The following MAMDC2 variants were observed in gnomAD, a reference collection of about 807,000 sequenced individuals.
MAMDC2 encodes the protein MAM domain containing 2, also known as MAM domain-containing protein 2.
Under a neutral mutation model 89.8 loss-of-function variants are expected in MAMDC2, and 57 were observed. The observed-to-expected ratio is 0.63, with a 90% confidence interval of 0.51 to 0.79. The LOEUF (loss-of-function observed/expected upper bound fraction) is 0.79. Ranked by LOEUF, MAMDC2 falls within the 30% of genes least tolerant of loss-of-function variation. The pLI is 0.00. For synonymous variants in MAMDC2, 313 were observed against 293.4 expected (o/e 1.07, Z -0.68); for missense variants, 800 against 820.6 (o/e 0.97, Z 0.31).
At chr9:70,091,011 C>T (rs1168335639) in intron 2 of MAMDC2, among the ~76,000 whole-genome samples, 2 of 150,474 alleles carry the variant, frequency 1.3e-5, no homozygotes, top group Non-Finnish European at 3.0e-5. Context: ...GGCACAGAAT[C>T]GCATATAGTA....
intron 5 of MAMDC2, among the ~76,000 whole-genome samples, chr9:70,123,888 C>T (rs1256675749): frequency 6.6e-6 from 1 of 152,206 alleles, no homozygotes; most frequent in Non-Finnish European, 1.5e-5. Context: ...AAGGAACAAT[C>T]CCTGCTGACA....
chr9:70,081,472 C>G (rs148262881), intron 2 of MAMDC2: 1 of 152,158 alleles, frequency 6.6e-6, no homozygotes, highest in East Asian at 1.9e-4. Flanking sequence ...CCTGCCAGGT[C>G]TCCATGCACC....
intron 4 of MAMDC2, among the ~76,000 whole-genome samples, chr9:70,111,157 T>C (rs2997707): frequency 0.033 from 5,013 of 152,238 alleles, 267 homozygotes; most frequent in African/African-American, 0.11. Context: ...GTCAGACACC[T>C]CTGGTGGAGC....
At chr9:70,135,377 A>C (rs2030963958) in intron 7 of MAMDC2, among the ~76,000 whole-genome samples, 1 of 152,126 alleles carries the variant, frequency 6.6e-6, no homozygotes, top group Non-Finnish European at 1.5e-5. Context: ...GGTCACAGAC[A>C]GGCCTCTGGC....
chr9:70,125,353 A>G (rs1180768878), intron 5 of MAMDC2, among the ~76,000 whole-genome samples: 3 of 152,204 alleles, frequency 2.0e-5, no homozygotes, highest in Non-Finnish European at 4.4e-5. Context: ...AGATCAGGAA[A>G]TTGAGACCCA....
intron 11 of MAMDC2, chr9:70,217,178 C>T: frequency 2.9e-6 from 2 of 693,284 alleles, no homozygotes; most frequent in South Asian, 1.6e-5. Flanking sequence ...CTTTTCTCTT[C>T]CCGTGGAGCC....
intron 11 of MAMDC2, among the ~76,000 whole-genome samples, chr9:70,214,322 G>GAGAATATCT (rs2033407285): frequency 6.6e-6 from 1 of 152,194 alleles, no homozygotes; most frequent in East Asian, 1.9e-4. Flanking sequence ...AGTGAGACCT[G>GAGAATATCT]AGAATATCTA....
At chr9:70,089,860 G>A in intron 2 of MAMDC2, among the ~76,000 whole-genome samples, 1 of 152,248 alleles carries the variant, frequency 6.6e-6, no homozygotes, top group East Asian at 1.9e-4. Context: ...AATGGTAGCT[G>A]TTATAGTTGT....
intron 7 of MAMDC2, among the ~76,000 whole-genome samples, chr9:70,138,757 G>A (rs1179507544): frequency 6.6e-6 from 1 of 152,078 alleles, no homozygotes; most frequent in Non-Finnish European, 1.5e-5. Context: ...GGTATTTATA[G>A]AACAGGGTAA....
At chr9:70,134,902 G>A (rs2030947117) in intron 7 of MAMDC2, among the ~76,000 whole-genome samples, 2 of 152,242 alleles carry the variant, frequency 1.3e-5, no homozygotes, top group Non-Finnish European at 2.9e-5. Flanking sequence ...AAACTACCCT[G>A]CAAGGTTAGC....
intron 2 of MAMDC2, among the ~76,000 whole-genome samples, chr9:70,055,276 CT>C (rs1324464288): frequency 6.6e-6 from 1 of 152,166 alleles, no homozygotes; most frequent in East Asian, 1.9e-4. Flanking sequence ...AGCACATTTA[CT>C]TTCATCATCT....
At chr9:70,213,194 C>T (rs1406674000) in intron 11 of MAMDC2, among the ~76,000 whole-genome samples, 1 of 152,208 alleles carries the variant, frequency 6.6e-6, no homozygotes, top group Non-Finnish European at 1.5e-5. Context: ...TCATCTCTCT[C>T]ATGATGAATT....
intron 7 of MAMDC2, among the ~76,000 whole-genome samples, chr9:70,139,316 C>T (rs1363022557): frequency 7.5e-6 from 1 of 134,082 alleles, no homozygotes; most frequent in Non-Finnish European, 1.6e-5. Flanking sequence ...GTTCCCCTTC[C>T]TGTGTCCATG....
chr9:70,056,431 C>T (rs1827026296), intron 2 of MAMDC2, among the ~76,000 whole-genome samples: 1 of 152,060 alleles, frequency 6.6e-6, no homozygotes, highest in Non-Finnish European at 1.5e-5. Flanking sequence ...AATCTTTTTT[C>T]TTTTTCATAA....
At chr9:70,136,598 C>A (rs2031021897) in intron 7 of MAMDC2, among the ~76,000 whole-genome samples, 1 of 152,136 alleles carries the variant, frequency 6.6e-6, no homozygotes, top group Non-Finnish European at 1.5e-5. Context: ...CTTTAAGATT[C>A]ATTTCTTCTT....
chr9:70,198,859 T>C (rs1421297919), intron 11 of MAMDC2, among the ~76,000 whole-genome samples: 1 of 152,156 alleles, frequency 6.6e-6, no homozygotes, highest in Non-Finnish European at 1.5e-5. Flanking sequence ...TATAAAAGTT[T>C]GCTATGAGAC....
At chr9:70,181,705 T>C (rs1210945074) in intron 11 of MAMDC2, among the ~76,000 whole-genome samples, 1 of 152,192 alleles carries the variant, frequency 6.6e-6, no homozygotes, top group Non-Finnish European at 1.5e-5. Flanking sequence ...ACATTGATTT[T>C]GTATCCAGAG....
chr9:70,220,803 C>G (rs1019106905), intron 12 of MAMDC2, among the ~76,000 whole-genome samples: 1 of 151,958 alleles, frequency 6.6e-6, no homozygotes, highest in East Asian at 1.9e-4. Context: ...TTTGGAGATA[C>G]CTTTTACACT....
rs1036401511 is a variant in MAMDC2, at chr9:70,148,845, T to C, written c.1404+5026T>C. On this transcript the variant is annotated intron_variant, in intron 9 of 13. Transcript: ENST00000377182. ...GAGATCGAGACCATCCTGGCTAACA[T>C]GGTGAAACCCCGTGTCTACTAAAAA... is the stretch of plus-strand genomic sequence containing the variant. 5.4e-5 allele frequency among the ~76,000 whole-genome samples: 8 copies of C among 149,472 alleles called. 1 individual carries two copies. Among genetic ancestry groups the C allele is most frequent in the Non-Finnish European group, 8.9e-5 (6 of 67,340 alleles).
Sources: allele counts gnomAD v4.1 joint callset (sites outside exome capture counted in the v4.1 genomes callset), GRCh38; gene constraint gnomAD v4.1.1; transcripts MANE v1.5; gene names NCBI Gene and HGNC (gene_info 2026-07-23, HGNC 2026-07-21).